Variants in NRG3 observed in about 807,000 individuals in gnomAD.
NRG3 encodes pro-neuregulin-3, membrane-bound isoform.
A neutral mutation model predicts 66.9 loss-of-function variants in NRG3; 31 were observed. That is an observed-to-expected ratio of 0.46 (90% CI 0.35 to 0.63). NRG3 has a LOEUF of 0.63. Among genes scored for constraint, NRG3 ranks in the 20% least tolerant of loss-of-function variants. The probability of loss-of-function intolerance (pLI) is 0.00; values close to 1 mark genes in which losing one functional copy is unlikely to be tolerated. For synonymous variants in NRG3, 393 were observed against 359.4 expected (o/e 1.09, Z -1.06); for missense variants, 910 against 878.9 (o/e 1.04, Z -0.45).
chr10:82,896,546 A>G (rs1052232789), intron 4 of NRG3, among the ~76,000 whole-genome samples: 7 of 152,220 alleles, frequency 4.6e-5, no homozygotes, highest in Non-Finnish European at 1.0e-4. Context: ...GCAGATTTTA[A>G]TGAGAAGAAT....
At chr10:82,705,903 C>G (rs1453864998) in intron 2 of NRG3, among the ~76,000 whole-genome samples, 1 of 152,094 alleles carries the variant, frequency 6.6e-6, no homozygotes, top group Non-Finnish European at 1.5e-5. Flanking sequence ...TATGAAAACA[C>G]TTAAGTTATC....
chr10:82,921,842 G>A (rs1668724943), intron 4 of NRG3, among the ~76,000 whole-genome samples: 1 of 152,076 alleles, frequency 6.6e-6, no homozygotes, highest in South Asian at 2.1e-4. Context: ...TTTTGTTGAG[G>A]CAAAAGTATA....
chr10:82,004,018 C>CACACAT (rs2061281387), intron 1 of NRG3, among the ~76,000 whole-genome samples: 1 of 150,968 alleles, frequency 6.6e-6, no homozygotes, highest in African/African-American at 2.4e-5. Flanking sequence ...CACACACACA[C>CACACAT]ACACACACAC....
At chr10:82,853,516 T>C (rs1219647868) in intron 3 of NRG3, among the ~76,000 whole-genome samples, 2 of 152,154 alleles carry the variant, frequency 1.3e-5, no homozygotes, top group Admixed American at 1.3e-4. Flanking sequence ...ATCTCCTTGG[T>C]TAGGTATATT....
At chr10:82,609,311 A>T (rs1444094753) in intron 2 of NRG3, among the ~76,000 whole-genome samples, 1 of 152,200 alleles carries the variant, frequency 6.6e-6, no homozygotes, top group Non-Finnish European at 1.5e-5. Flanking sequence ...GAGCCATTCA[A>T]AGAGTGCCAA....
chr10:82,366,612 T>C (rs1052310437), intron 2 of NRG3, among the ~76,000 whole-genome samples: 1 of 152,172 alleles, frequency 6.6e-6, no homozygotes, highest in African/African-American at 2.4e-5. Flanking sequence ...ATTGTGTCAA[T>C]AACATGAAAT....
At chr10:82,742,499 T>C (rs2058467883) in intron 3 of NRG3, among the ~76,000 whole-genome samples, 1 of 152,148 alleles carries the variant, frequency 6.6e-6, no homozygotes, top group African/African-American at 2.4e-5. Context: ...ATATATCTAA[T>C]GCACCAATCT....
At chr10:82,254,500 C>G (rs2077623461) in intron 1 of NRG3, among the ~76,000 whole-genome samples, 1 of 152,140 alleles carries the variant, frequency 6.6e-6, no homozygotes, top group African/African-American at 2.4e-5. Context: ...GTGCCCAGAG[C>G]TTGGTTTGTA....
chr10:82,248,182 G>C (rs967700432), intron 1 of NRG3, among the ~76,000 whole-genome samples: 2 of 152,128 alleles, frequency 1.3e-5, no homozygotes, highest in South Asian at 4.1e-4. Context: ...CAGTTCACTA[G>C]CTCTTTCAAA....
intron 2 of NRG3, among the ~76,000 whole-genome samples, chr10:82,701,149 A>G (rs1360431451): frequency 6.6e-6 from 1 of 152,130 alleles, no homozygotes; most frequent in Non-Finnish European, 1.5e-5. Context: ...TATAATAAAC[A>G]TTTATTAACC....
At chr10:82,226,225 T>G (rs573010807) in intron 1 of NRG3, among the ~76,000 whole-genome samples, 1 of 152,138 alleles carries the variant, frequency 6.6e-6, no homozygotes, top group African/African-American at 2.4e-5. Flanking sequence ...TGGCTCCTCT[T>G]TGAGACCAGT....
chr10:82,099,152 A>G (rs893764252), intron 1 of NRG3, among the ~76,000 whole-genome samples: 1 of 152,168 alleles, frequency 6.6e-6, no homozygotes, highest in Non-Finnish European at 1.5e-5. Flanking sequence ...GCTGTTCTGT[A>G]TAAAAAAAAC....
At chr10:82,635,624 C>T (rs1426672054) in intron 2 of NRG3, among the ~76,000 whole-genome samples, 3 of 152,068 alleles carry the variant, frequency 2.0e-5, no homozygotes, top group South Asian at 2.1e-4. Flanking sequence ...TATCTGTCCT[C>T]GACGTAGCAG....
intron 2 of NRG3, among the ~76,000 whole-genome samples, chr10:82,715,730 G>A (rs1042708642): frequency 2.6e-5 from 4 of 152,180 alleles, no homozygotes; most frequent in African/African-American, 4.8e-5. Flanking sequence ...GGAAGGTTAA[G>A]ATATGAACAT....
At chr10:82,112,385 C>A (rs890130223) in intron 1 of NRG3, among the ~76,000 whole-genome samples, 8 of 151,920 alleles carry the variant, frequency 5.3e-5, no homozygotes, top group Non-Finnish European at 8.8e-5. Context: ...TGGGGTTATT[C>A]TTTTTTTAGG....
At chr10:81,998,356 T>C (rs1033284292) in intron 1 of NRG3, among the ~76,000 whole-genome samples, 44 of 152,320 alleles carry the variant, frequency 2.9e-4, no homozygotes, top group African/African-American at 1.0e-3. Flanking sequence ...CATTCCCTCC[T>C]GTGGCTAGAA....
At chr10:82,704,447 A>G (rs899972208) in intron 2 of NRG3, among the ~76,000 whole-genome samples, 7 of 152,164 alleles carry the variant, frequency 4.6e-5, no homozygotes, top group African/African-American at 1.7e-4. Flanking sequence ...TCTTGCCCAC[A>G]AGGATATCAT....
At chr10:82,458,263 C>T (rs1047018861) in intron 2 of NRG3, among the ~76,000 whole-genome samples, 2 of 152,198 alleles carry the variant, frequency 1.3e-5, no homozygotes, top group Non-Finnish European at 2.9e-5. Context: ...ATATAAGTTC[C>T]TTGGAGGACT....
At chr10:81,994,591 G>T (rs1024310287) in intron 1 of NRG3, among the ~76,000 whole-genome samples, 6 of 151,890 alleles carry the variant, frequency 4.0e-5, no homozygotes, top group Admixed American at 1.3e-4. Context: ...TAGTTGGAAA[G>T]AATTTGTATA....
Sources: gnomAD v4.1 joint callset for allele counts (sites outside exome capture counted in the v4.1 genomes callset) on GRCh38, gnomAD v4.1.1 for gene constraint, MANE v1.5 for transcripts, NCBI Gene and HGNC (gene_info 2026-07-23, HGNC 2026-07-21) for gene names.